Variants in LPA observed in about 807,000 individuals in gnomAD.
The protein encoded by LPA is apolipoprotein(a).
LPA carries 199 observed loss-of-function variants against 197.9 expected under a neutral mutation model. The observed-to-expected ratio is 1.01, with a 90% CI of 0.90 to 1.13. The LOEUF (loss-of-function observed/expected upper bound fraction) is 1.13, where lower values mean the gene tolerates loss of function less well. Among genes scored for constraint, LPA ranks in the 50% most tolerant of loss-of-function variants. LPA has a pLI of 0.00. For synonymous variants in LPA, 715 were observed against 639.5 expected (o/e 1.12, Z -1.78); for missense variants, 1,853 against 1,785.8 (o/e 1.04, Z -0.68).
At chr6:160,646,574 T>A (rs1779883093) in intron 2 of LPA, among the ~76,000 whole-genome samples, 179 bp from the exon 3 acceptor site, 1 of 48,004 alleles carries the variant, frequency 2.1e-5, no homozygotes, top group African/African-American at 8.7e-5. Flanking sequence ...TCTCTGCACA[T>A]CTCTCATACT....
At chr6:160,610,636 T>C (rs918942577) in intron 16 of LPA, among the ~76,000 whole-genome samples, 8 of 152,182 alleles carry the variant, frequency 5.3e-5, no homozygotes, top group South Asian at 2.1e-4. Flanking sequence ...TGCGTATTTG[T>C]AGAGCTCCTT....
At position 160,568,931 on chromosome 6, in the gene LPA, G is replaced by T. The variant is rs200907080; in HGVS notation, c.4631+8205C>A. On this transcript the variant is annotated intron_variant, in intron 28 of 38. Coordinates refer to ENST00000316300, the MANE Select transcript of LPA (RefSeq NM_005577.4). ...CTAGGAATCCAACTTACAAGGGATG[G>T]GAAGGACCTCTTCAAGGAGAACTAC... 5.3e-5 allele frequency among the ~76,000 whole-genome samples: 8 copies of T among 152,144 alleles called. No homozygotes were observed. In the South Asian group the frequency reaches 1.4e-3, roughly 28 times the overall value.
intron 28 of LPA, among the ~76,000 whole-genome samples, chr6:160,565,388 C>T (rs1353472507): frequency 6.6e-6 from 1 of 152,170 alleles, no homozygotes. Flanking sequence ...CTGCAGCCTC[C>T]ACTGGTAATA....
Position 160,564,411 on chromosome 6 carries a change from T to C in LPA, c.4632-6840A>G, listed in dbSNP as rs896403645. 2.6e-5 allele frequency among the ~76,000 whole-genome samples: 4 copies of C among 152,282 alleles called. No homozygotes were observed. The East Asian group carries it at 5.8e-4, about 22-fold the overall frequency. ...TTCTACATCTTTCTTTGGCACTGGATGTTTCCTGCCCTTGAACATCAGACT... is the reference window on the plus strand; with the variant it reads ...TTCTACATCTTTCTTTGGCACTGGACGTTTCCTGCCCTTGAACATCAGACT... On this transcript the variant is annotated intron_variant, in intron 28 of 38. Transcript: ENST00000316300.
At chr6:160,653,434 C>T (rs193245046) in intron 1 of LPA, among the ~76,000 whole-genome samples, 2 of 152,176 alleles carry the variant, frequency 1.3e-5, no homozygotes, top group East Asian at 3.9e-4. Flanking sequence ...CTTGAGAGAA[C>T]ACCCCGCTCA....
chr6:160,643,083 A>ATTTGT (rs1332336973), intron 4 of LPA, among the ~76,000 whole-genome samples: 1 of 131,068 alleles, frequency 7.6e-6, no homozygotes, highest in Non-Finnish European at 1.7e-5. Flanking sequence ...GTGTGTTTTC[A>ATTTGT]GTGTGTGTGT....
chr6:160,606,426 C>T (rs1470890804), intron 17 of LPA, 51 bp downstream of exon 17: 3 of 1,602,460 alleles, frequency 1.9e-6, no homozygotes, highest in African/African-American at 1.3e-5. Flanking sequence ...ATTTCCATGG[C>T]TTTTCATCCC....
intron 28 of LPA, among the ~76,000 whole-genome samples, chr6:160,563,427 A>G (rs1364536840): frequency 2.0e-5 from 3 of 152,196 alleles, no homozygotes; most frequent in African/African-American, 7.2e-5. Context: ...CTTTGGTCTG[A>G]GAGACTGTTT....
chr6:160,647,033 C>G (rs1479117947), intron 2 of LPA, among the ~76,000 whole-genome samples: 1 of 152,136 alleles, frequency 6.6e-6, no homozygotes, highest in African/African-American at 2.4e-5. Context: ...TTTGTTTCTG[C>G]AAGACTTCTC....
chr6:160,577,394 T>C, intron 27 of LPA, 99 bp from the exon 28 acceptor site: 2 of 1,132,320 alleles, frequency 1.8e-6, no homozygotes, highest in South Asian at 2.6e-5. Context: ...CTCTGAAAAT[T>C]ATTACTATTC....
At chr6:160,532,003 A>G (rs3127596) in intron 38 of LPA, 113 bp from the exon 39 acceptor site, 352,697 of 1,249,582 alleles carry the variant, frequency 0.28, 51,615 homozygotes, top group African/African-American at 0.3. Flanking sequence ...CAAATCAGAA[A>G]GGAACTTATG....
intron 16 of LPA, among the ~76,000 whole-genome samples, chr6:160,607,740 C>A (rs1454365330): frequency 6.6e-6 from 1 of 152,116 alleles, no homozygotes; most frequent in African/African-American, 2.4e-5. Context: ...CAATCCCAGA[C>A]CCTCCATTCC....
At chr6:160,570,248 A>G (rs1450180426) in intron 28 of LPA, among the ~76,000 whole-genome samples, 2 of 152,350 alleles carry the variant, frequency 1.3e-5, no homozygotes, top group Non-Finnish European at 2.9e-5. Flanking sequence ...ACGTCCATCA[A>G]TGGTAGACTG....
intron 28 of LPA, among the ~76,000 whole-genome samples, chr6:160,566,476 G>A (rs1379625487): frequency 1.3e-5 from 2 of 152,112 alleles, no homozygotes; most frequent in Non-Finnish European, 2.9e-5. Context: ...TGCCTTACAA[G>A]AGCTCCTGAA....
In LPA at chr6:160,601,004, G is replaced by T. The variant is rs755236015; in HGVS notation, c.3040C>A (p.Leu1014Met). ...DPSVRWEYCNLTRCSDAEWTA... is the reference protein window; with the variant it reads ...DPSVRWEYCNMTRCSDAEWTA... ...CATTCTGCATCTGAGCATCGTGTCA[G>T]GTTGCAGTACTCCCACCTGACACTG... The change falls in exon 19 of 39, where the codon CTG becomes ATG. Residue 1014 changes from leucine (L) to methionine (M), a missense_variant. Transcript: ENST00000316300. 4 of 1,614,016 alleles carry T rather than the reference G, an allele frequency of 2.5e-6. No individual in the cohort carries two copies. The East Asian group carries it at 8.9e-5, about 36-fold the overall frequency.
intron 22 of LPA, among the ~76,000 whole-genome samples, chr6:160,593,179 A>T (rs1213135904): frequency 6.6e-6 from 1 of 152,160 alleles, no homozygotes; most frequent in African/African-American, 2.4e-5. Context: ...TGCTGTGGTC[A>T]GCTGGGCTCC....
intron 1 of LPA, among the ~76,000 whole-genome samples, chr6:160,663,502 A>G (rs1780259348): frequency 6.6e-6 from 1 of 152,190 alleles, no homozygotes; most frequent in South Asian, 2.1e-4. Context: ...AAGGACACAC[A>G]CTTACATTCA....
chr6:160,647,023 T>A (rs867690225), intron 2 of LPA, among the ~76,000 whole-genome samples: 2 of 152,166 alleles, frequency 1.3e-5, no homozygotes, highest in East Asian at 3.9e-4. Context: ...GTCAAGTAGG[T>A]TTGTTTCTGC....
At position 160,654,012 on chromosome 6, in the gene LPA, TTATATATAATATATAA is replaced by T. The variant is rs1780068470; in HGVS notation, c.50-3531_50-3516del. On this transcript the variant is annotated intron_variant, in intron 1 of 38. Transcript: ENST00000316300. ...TAATATATATTATATATAATATATA[TTATATATAATATATAA>T]TATATATTATATATAATATATAATA... Among the ~76,000 whole-genome samples the T allele has an allele frequency of 4.7e-3, 18 of 3,814 alleles. 2 individuals carry two copies. Among genetic ancestry groups the T allele is most frequent in the African/African-American group, 0.013 (13 of 1,036 alleles). The allele number at this position is 3,814 out of a possible 152,430, so 2.5% of individuals were successfully genotyped here. A position where few individuals can be genotyped will look rare whatever the true frequency, so the allele number is the denominator to read the frequency against.
Sources: allele counts gnomAD v4.1 joint callset (sites outside exome capture counted in the v4.1 genomes callset), GRCh38; gene constraint gnomAD v4.1.1; transcripts MANE v1.5; gene names NCBI Gene and HGNC (gene_info 2026-07-23, HGNC 2026-07-21).